The following UNC13B variants were observed in gnomAD, a reference collection of about 807,000 sequenced individuals.
UNC13B encodes the protein unc-13 homolog B.
In UNC13B, 144 loss-of-function variants were observed where a neutral mutation model predicts 211.0. The ratio of observed to expected loss-of-function variants is 0.68; its 90% CI spans 0.60 to 0.78. The LOEUF (loss-of-function observed/expected upper bound fraction) is 0.78. Among genes scored for constraint, UNC13B ranks in the 30% least tolerant of loss-of-function variants. The probability of loss-of-function intolerance (pLI) is 0.00; values close to 1 mark genes in which losing one functional copy is unlikely to be tolerated. For missense variants in UNC13B, 1,777 were observed against 2,002.0 expected, an observed-to-expected ratio of 0.89 and a Z score of 2.14; for synonymous variants, 709 against 725.8, an observed-to-expected ratio of 0.98 and a Z score of 0.37.
At chr9:35,350,214 C>T (rs1250247801) in intron 11 of UNC13B, among the ~76,000 whole-genome samples, 2 of 152,216 alleles carry the variant, frequency 1.3e-5, no homozygotes, top group Non-Finnish European at 2.9e-5. Flanking sequence ...ATGAGGTAAT[C>T]ATCGTCTCTG....
chr9:35,214,459 GAACAA>G lies in UNC13B; in HGVS notation c.23-13548_23-13544del, dbSNP rs1824146071. On this transcript the variant is annotated intron_variant, in intron 1 of 39. Coordinates refer to ENST00000635942, the MANE Select transcript of UNC13B (RefSeq NM_001371189.2). ...AACAAACAATCAACAACAACAACAA[GAACAA>G]AACAAAAGAAACTAGGTATATTTGA... Among the ~76,000 whole-genome samples, 5 of 151,344 alleles carry G rather than the reference GAACAA, an allele frequency of 3.3e-5. 1 individual carries two copies. In the South Asian group the frequency reaches 1.0e-3, roughly 32 times the overall value.
chr9:35,217,396 GT>G (rs1232346601), intron 1 of UNC13B, among the ~76,000 whole-genome samples: 2,862 of 139,248 alleles, frequency 0.021, 68 homozygotes, highest in African/African-American at 0.07. Context: ...TGTTTTTTTT[GT>G]TTTTTTTTTT....
At chr9:35,386,412 G>C in intron 24 of UNC13B, 119 bp downstream of exon 24, 1 of 1,388,420 alleles carries the variant, frequency 7.2e-7, no homozygotes, top group Non-Finnish European at 9.8e-7. Flanking sequence ...TCAAGGGTGA[G>C]TGAGTTGTGG....
chr9:35,370,317 G>A lies in UNC13B; in HGVS notation c.9462-1G>A. On this transcript the variant is annotated splice_acceptor_variant, in intron 12 of 39. Transcript: ENST00000635942. LOFTEE classifies it high-confidence loss of function. ...CCTGACATATTTTCTTCTCTCCTCAGGCCAGCCGGAGGGCTCTATGGCATT... is the reference window on the plus strand; with the variant it reads ...CCTGACATATTTTCTTCTCTCCTCAAGCCAGCCGGAGGGCTCTATGGCATT... 1 of 1,613,826 alleles carries A rather than the reference G, an allele frequency of 6.2e-7. No individual in the cohort carries two copies. The highest frequency in any genetic ancestry group is 8.5e-7 in the Non-Finnish European group (1 of 1,179,926).
intron 7 of UNC13B, among the ~76,000 whole-genome samples, chr9:35,277,332 C>T (rs1828235069): frequency 6.6e-6 from 1 of 152,216 alleles, no homozygotes; most frequent in African/African-American, 2.4e-5. Flanking sequence ...ATTGTGACTA[C>T]TAGACTCATA....
chr9:35,398,702 A>G, intron 32 of UNC13B, 60 bp downstream of exon 32: 1 of 1,594,340 alleles, frequency 6.3e-7, no homozygotes, highest in Admixed American at 1.7e-5. Context: ...CCAATCCCAG[A>G]GCCCTTGCCC....
chr9:35,364,528 T>C (rs1446782782), intron 11 of UNC13B: 2 of 1,535,946 alleles, frequency 1.3e-6, no homozygotes, highest in Non-Finnish European at 1.7e-6. Flanking sequence ...TTTTTTCTGC[T>C]CTTTCTCTCC....
chr9:35,207,558 C>T (rs766257821), intron 1 of UNC13B, among the ~76,000 whole-genome samples: 5 of 151,524 alleles, frequency 3.3e-5, no homozygotes. Flanking sequence ...TAGTCACGAA[C>T]TCCTGGGCCC....
At chr9:35,274,219 C>T (rs950214525) in intron 7 of UNC13B, among the ~76,000 whole-genome samples, 6 of 152,292 alleles carry the variant, frequency 3.9e-5, no homozygotes, top group South Asian at 4.1e-4. Flanking sequence ...CTCGCACTCT[C>T]AACTAGTACT....
At chr9:35,184,757 A>AAAAG (rs1206021587) in intron 1 of UNC13B, among the ~76,000 whole-genome samples, 1 of 107,048 alleles carries the variant, frequency 9.3e-6, no homozygotes, top group Admixed American at 1.0e-4. Context: ...AGAAAGAAAG[A>AAAAG]AAGGAAGGAA....
At chr9:35,384,154 C>T (rs1835032079) in intron 21 of UNC13B, 92 bp from the exon 22 acceptor site, 3 of 1,565,888 alleles carry the variant, frequency 1.9e-6, no homozygotes, top group Non-Finnish European at 2.6e-6. Context: ...ACTCTTTCTA[C>T]TCATCCAGGG....
chr9:35,260,951 G>A (rs1306400579), intron 7 of UNC13B, among the ~76,000 whole-genome samples: 1 of 152,086 alleles, frequency 6.6e-6, no homozygotes, highest in Admixed American at 6.5e-5. Context: ...GAGGGCAGGA[G>A]GAAATAAAAA....
At chr9:35,207,478 T>TTTTTTTTATTTATTTATTTATTTA (rs146668335) in intron 1 of UNC13B, among the ~76,000 whole-genome samples, 4 of 142,978 alleles carry the variant, frequency 2.8e-5, no homozygotes, top group African/African-American at 1.0e-4. Context: ...AGAAATTAAT[T>TTTTTTTTATTTATTTATTTATTTA]TTTATTTATT....
chr9:35,293,909 C>T (rs2131789739), intron 7 of UNC13B, among the ~76,000 whole-genome samples: 1 of 152,250 alleles, frequency 6.6e-6, no homozygotes, highest in African/African-American at 2.4e-5. Context: ...GTTCTAATCC[C>T]TCTCCTCTCC....
At chr9:35,316,654 T>C (rs1450296271) in intron 11 of UNC13B, among the ~76,000 whole-genome samples, 1 of 152,146 alleles carries the variant, frequency 6.6e-6, no homozygotes, top group Non-Finnish European at 1.5e-5. Flanking sequence ...TTGTTAAAAA[T>C]ATGAAAATAT....
intron 7 of UNC13B, among the ~76,000 whole-genome samples, chr9:35,273,053 T>C (rs1055877529): frequency 5.9e-5 from 9 of 152,240 alleles, no homozygotes; most frequent in East Asian, 3.8e-4. Context: ...TAGTGATCTA[T>C]ACAAATCATA....
chr9:35,385,344 T>C (rs1045773466), intron 22 of UNC13B: 1 of 985,312 alleles, frequency 1.0e-6, no homozygotes, highest in Non-Finnish European at 1.2e-6. Context: ...TATTCCAGGA[T>C]ATACAGTTAG....
intron 8 of UNC13B, among the ~76,000 whole-genome samples, chr9:35,298,447 C>T (rs1226209757): frequency 6.6e-6 from 1 of 152,104 alleles, no homozygotes; most frequent in Non-Finnish European, 1.5e-5. Flanking sequence ...ATTCACCAGA[C>T]CATAGGATGA....
chr9:35,397,853 C>A, intron 30 of UNC13B, 141 bp downstream of exon 30: 3 of 840,966 alleles, frequency 3.6e-6, no homozygotes, highest in South Asian at 3.5e-5. Context: ...CAGATCCATG[C>A]CACAAAATTA....
Sources: gnomAD v4.1 joint callset for allele counts (sites outside exome capture counted in the v4.1 genomes callset) on GRCh38, gnomAD v4.1.1 for gene constraint, MANE v1.5 for transcripts, NCBI Gene and HGNC (gene_info 2026-07-23, HGNC 2026-07-21) for gene names.